ZNF652: variants seen among roughly 807,000 people sequenced by gnomAD.
The protein encoded by ZNF652 is zinc finger protein 652.
A neutral mutation model predicts 45.2 loss-of-function variants in ZNF652; 16 were observed. The ratio of observed to expected loss-of-function variants is 0.35; its 90% CI spans 0.24 to 0.54. The LOEUF (loss-of-function observed/expected upper bound fraction) is 0.54, where lower values mean the gene tolerates loss of function less well. Among genes scored for constraint, ZNF652 ranks in the 20% least tolerant of loss-of-function variants. The probability of loss-of-function intolerance (pLI) is 0.91; values close to 1 mark genes in which losing one functional copy is unlikely to be tolerated. For synonymous variants in ZNF652, 250 were observed against 260.6 expected (o/e 0.96, Z 0.39); for missense variants, 614 against 765.6 (o/e 0.80, Z 2.34).
At chr17:49,305,383 G>T (rs949103748) in intron 5 of ZNF652, among the ~76,000 whole-genome samples, 1 of 151,930 alleles carries the variant, frequency 6.6e-6, no homozygotes, top group Non-Finnish European at 1.5e-5. Flanking sequence ...GGAGGCGGAG[G>T]TTGCAGTGAG....
At chr17:49,308,231 G>C (rs575787546) in intron 5 of ZNF652, among the ~76,000 whole-genome samples, 2 of 152,066 alleles carry the variant, frequency 1.3e-5, no homozygotes, top group South Asian at 4.2e-4. Flanking sequence ...GCCCAGGCTG[G>C]AGTGACACAA....
intron 2 of ZNF652, among the ~76,000 whole-genome samples, chr17:49,314,950 G>A (rs1266842472): frequency 6.6e-6 from 1 of 152,050 alleles, no homozygotes; most frequent in Non-Finnish European, 1.5e-5. Context: ...GCTTACTGCA[G>A]GATCAATCTC....
chr17:49,305,430 C>A (rs753361550), intron 5 of ZNF652, among the ~76,000 whole-genome samples: 1 of 151,874 alleles, frequency 6.6e-6, no homozygotes, highest in Non-Finnish European at 1.5e-5. Flanking sequence ...CTGGGTGACA[C>A]AGCGAGACTC....
At chr17:49,351,409 A>G (rs953477683) in intron 1 of ZNF652, among the ~76,000 whole-genome samples, 1 of 152,138 alleles carries the variant, frequency 6.6e-6, no homozygotes, top group African/African-American at 2.4e-5. Context: ...TCATTATAGC[A>G]TTATTTATTA....
At chr17:49,356,549 GTTTA>G (rs2070339734) in intron 1 of ZNF652, among the ~76,000 whole-genome samples, 1 of 148,986 alleles carries the variant, frequency 6.7e-6, no homozygotes, top group African/African-American at 2.5e-5. Context: ...AATTTTGTTT[GTTTA>G]GTCATTCTCG....
In ZNF652 at chr17:49,311,353, T is replaced by C. The variant is rs768970661; in HGVS notation, c.1268A>G (p.Asn423Ser). Reference sequence around the variant, plus strand: ...GTGTTCGTCGAAGTACTGCTTCATGTTGAAATCCTTGCCACACCACTGGCA... The same window carrying C: ...GTGTTCGTCGAAGTACTGCTTCATGCTGAAATCCTTGCCACACCACTGGCA... ...FMCQWCGKDF[N>S]MKQYFDEHMK... The change falls in exon 5 of 6, where the codon AAC (asparagine) becomes AGC (serine). Residue 423 changes from asparagine (N) to serine (S), a missense_variant. By Grantham distance (46) the Asn-to-Ser change is conservative. Transcript: ENST00000430262. 8 of 1,614,068 alleles carry C rather than the reference T, an allele frequency of 5.0e-6. No individual in the cohort carries two copies. The highest frequency in any genetic ancestry group is 6.8e-6 in the Non-Finnish European group (8 of 1,180,028).
intron 1 of ZNF652, among the ~76,000 whole-genome samples, chr17:49,337,010 T>C (rs1355265805): frequency 2.2e-5 from 3 of 138,232 alleles, no homozygotes; most frequent in African/African-American, 5.4e-5. Flanking sequence ...CTGGTAACAA[T>C]GCCACAACTG....
chr17:49,344,645 C>G (rs1019662232), intron 1 of ZNF652, among the ~76,000 whole-genome samples: 1 of 151,614 alleles, frequency 6.6e-6, no homozygotes, highest in East Asian at 2.0e-4. Flanking sequence ...CTCAGCCTCC[C>G]GAATAGCTGG....
chr17:49,347,740 G>GTTTT (rs1181401090), intron 1 of ZNF652, among the ~76,000 whole-genome samples: 34 of 81,200 alleles, frequency 4.2e-4, no homozygotes, highest in East Asian at 9.8e-4. Context: ...CCTTGGTTTT[G>GTTTT]TTTTTTTTTT....
intron 2 of ZNF652, among the ~76,000 whole-genome samples, chr17:49,315,572 A>C (rs1279008775): frequency 4.0e-5 from 6 of 151,856 alleles, no homozygotes; most frequent in South Asian, 2.1e-4. Flanking sequence ...AAAAAAAAAA[A>C]AACCCACAAA....
Position 49,298,257 on chromosome 17 carries a change from G to T in ZNF652, c.*156C>A. On this transcript the variant is annotated 3_prime_UTR_variant, in exon 6 of 6. Transcript: ENST00000430262. ...TCTGTGAGCTCAAGGTAGTCTTCTT[G>T]TTCATTCCCTTGGATCTGTTGATTC... is the stretch of plus-strand genomic sequence containing the variant. The T allele has an allele frequency of 2.1e-6, 2 of 940,268 alleles. No individual in the cohort carries two copies. Among genetic ancestry groups the T allele is most frequent in the Non-Finnish European group, 3.1e-6 (2 of 644,532 alleles). The allele number at this position is 940,268 out of a possible 1,614,324, so 58.2% of individuals were successfully genotyped here.
At chr17:49,357,132 A>C (rs1252706224) in intron 1 of ZNF652, among the ~76,000 whole-genome samples, 1 of 152,032 alleles carries the variant, frequency 6.6e-6, no homozygotes, top group Non-Finnish European at 1.5e-5. Context: ...CCCCATCTTT[A>C]CTAAAAATAC....
At chr17:49,320,987 T>C (rs1280861603) in intron 1 of ZNF652, among the ~76,000 whole-genome samples, 3 of 143,398 alleles carry the variant, frequency 2.1e-5, no homozygotes, top group Admixed American at 2.0e-4. Context: ...AGTGCTGGGA[T>C]TACAGGCGTG....
chr17:49,298,906 C>T lies in ZNF652; in HGVS notation c.1328G>A (p.Cys443Tyr). ...KTHTGEKPFI[C>Y]EICGKSFTSR... Reference sequence around the variant, plus strand: ...GGTGAAGCTTTTGCCACAGATTTCACAGATAAAGGGTTTCTCTCCTGAGAT... The same window carrying T: ...GGTGAAGCTTTTGCCACAGATTTCATAGATAAAGGGTTTCTCTCCTGAGAT... The change falls in exon 6 of 6, where the codon TGT (cysteine) becomes TAT (tyrosine). Residue 443 changes from cysteine to tyrosine, a missense_variant. Physicochemically the swap from Cys to Tyr is radical, Grantham distance 194. Coordinates refer to ENST00000430262, the MANE Select transcript of ZNF652 (RefSeq NM_001145365.3). 6.2e-7 allele frequency: 1 copy of T among 1,611,756 alleles called. No individual in the cohort carries two copies. Among genetic ancestry groups the T allele is most frequent in the Non-Finnish European group, 8.5e-7 (1 of 1,179,270 alleles).
intron 1 of ZNF652, among the ~76,000 whole-genome samples, chr17:49,344,933 T>C (rs759962096): frequency 2.8e-4 from 43 of 152,188 alleles, no homozygotes; most frequent in Non-Finnish European, 5.3e-4. Flanking sequence ...ATTCCCTCCT[T>C]CCCCAACTCC....
intron 1 of ZNF652, among the ~76,000 whole-genome samples, chr17:49,346,550 T>TCAAA (rs60303275): frequency 6.6e-6 from 1 of 151,712 alleles, no homozygotes; most frequent in African/African-American, 2.4e-5. Flanking sequence ...AAACTCCGTC[T>TCAAA]CAAACAAACA....
At chr17:49,315,624 T>C (rs925393784) in intron 2 of ZNF652, among the ~76,000 whole-genome samples, 1 of 151,342 alleles carries the variant, frequency 6.6e-6, no homozygotes, top group Non-Finnish European at 1.5e-5. Context: ...TAATGGATCA[T>C]TACAGAATCC....
intron 5 of ZNF652, among the ~76,000 whole-genome samples, chr17:49,305,691 T>C (rs2069619792): frequency 1.3e-5 from 2 of 152,176 alleles, no homozygotes; most frequent in Non-Finnish European, 2.9e-5. Flanking sequence ...TATAAGCTCC[T>C]GAAGAGCAGA....
intron 1 of ZNF652, among the ~76,000 whole-genome samples, chr17:49,339,523 T>C (rs540501758): frequency 2.0e-5 from 3 of 152,132 alleles, no homozygotes; most frequent in Non-Finnish European, 4.4e-5. Flanking sequence ...TAGCCAGAAA[T>C]CGTTGCAACT....
Sources: allele counts gnomAD v4.1 joint callset (sites outside exome capture counted in the v4.1 genomes callset), GRCh38; gene constraint gnomAD v4.1.1; transcripts MANE v1.5; gene names NCBI Gene and HGNC (gene_info 2026-07-23, HGNC 2026-07-21).